The following ARHGEF3 variants were observed in gnomAD, a reference collection of about 807,000 sequenced individuals.
ARHGEF3 encodes Rho guanine nucleotide exchange factor 3.
ARHGEF3 carries 28 observed loss-of-function variants against 63.2 expected under a neutral mutation model. The ratio of observed to expected loss-of-function variants is 0.44; its 90% CI spans 0.33 to 0.61. The LOEUF is 0.61. Among genes scored for constraint, ARHGEF3 ranks in the 20% least tolerant of loss-of-function variants. ARHGEF3 has a pLI of 0.03. For missense variants in ARHGEF3, 533 were observed against 659.3 expected (o/e 0.81, Z 2.10); for synonymous variants, 266 against 254.2 (o/e 1.05, Z -0.44).
intron 3 of ARHGEF3, among the ~76,000 whole-genome samples, chr3:56,958,430 G>C (rs1346811884): frequency 6.6e-6 from 1 of 151,564 alleles, no homozygotes; most frequent in East Asian, 1.9e-4. Context: ...CTGGGCTCAA[G>C]TGATCCTCCC....
chr3:56,910,944 G>A (rs1001810561), intron 3 of ARHGEF3, among the ~76,000 whole-genome samples: 8 of 152,166 alleles, frequency 5.3e-5, no homozygotes, highest in Non-Finnish European at 1.2e-4. Context: ...AGAGAGGTAA[G>A]GAACTTGAAC....
At chr3:56,764,571 T>C (rs2035600086) in intron 2 of ARHGEF3, among the ~76,000 whole-genome samples, 1 of 152,096 alleles carries the variant, frequency 6.6e-6, no homozygotes, top group Non-Finnish European at 1.5e-5. Context: ...TTGGGTACAA[T>C]TTTAAACTTT....
chr3:56,868,758 T>C (rs2040339181), intron 4 of ARHGEF3, among the ~76,000 whole-genome samples: 1 of 152,142 alleles, frequency 6.6e-6, no homozygotes, highest in African/African-American at 2.4e-5. Context: ...ATTGATCCTT[T>C]GGAAAAAGGA....
At chr3:56,952,686 C>T (rs1181713509) in intron 3 of ARHGEF3, among the ~76,000 whole-genome samples, 1 of 151,938 alleles carries the variant, frequency 6.6e-6, no homozygotes, top group Non-Finnish European at 1.5e-5. Flanking sequence ...AAGTGAATGC[C>T]AGGGGTTAGA....
At chr3:56,991,916 A>G (rs1468902528) in intron 2 of ARHGEF3, among the ~76,000 whole-genome samples, 1 of 152,108 alleles carries the variant, frequency 6.6e-6, no homozygotes, top group Non-Finnish European at 1.5e-5. Context: ...CGCCCGGCCC[A>G]TTAACCAGTT....
intron 1 of ARHGEF3, among the ~76,000 whole-genome samples, chr3:56,780,158 C>A (rs1437607487): frequency 6.6e-6 from 1 of 152,186 alleles, no homozygotes; most frequent in Non-Finnish European, 1.5e-5. Context: ...TGCCCAAAAA[C>A]AGACAGATAA....
chr3:56,736,038 A>C (rs2107697762), intron 8 of ARHGEF3, among the ~76,000 whole-genome samples: 1 of 141,850 alleles, frequency 7.0e-6, no homozygotes, highest in Admixed American at 7.5e-5. Context: ...CTATCTCAAC[A>C]CAGAAATTTA....
chr3:57,007,429 T>C, intron 2 of ARHGEF3: 5 of 1,206,906 alleles, frequency 4.1e-6, no homozygotes, highest in Non-Finnish European at 5.4e-6. Context: ...AAAATCAGGC[T>C]TGGAAAGTGA....
At chr3:56,986,213 CTT>C (rs1419664928) in intron 2 of ARHGEF3, among the ~76,000 whole-genome samples, 1 of 152,136 alleles carries the variant, frequency 6.6e-6, no homozygotes, top group Non-Finnish European at 1.5e-5. Flanking sequence ...AGTGCAGGGT[CTT>C]TAGGGGTGGA....
At chr3:56,965,511 A>G (rs1272891914) in intron 2 of ARHGEF3, among the ~76,000 whole-genome samples, 1 of 152,136 alleles carries the variant, frequency 6.6e-6, no homozygotes, top group African/African-American at 2.4e-5. Flanking sequence ...ATCTTATACA[A>G]ACTTCTATAG....
Position 56,977,512 on chromosome 3 carries a change from C to A in ARHGEF3, c.63-18623G>T, listed in dbSNP as rs549285456. ...GATGCAGCCCTTGGAGAGACATGTC[C>A]TTTTACCTGCCCCCAACTTGCTCAA... is the stretch of plus-strand genomic sequence containing the variant. On this transcript the variant is annotated intron_variant, in intron 2 of 12. Coordinates refer to the ARHGEF3 transcript ENST00000338458. The A allele has an allele frequency of 1.2e-5, 4 of 346,348 alleles. No homozygotes were observed. In the Admixed American group the frequency reaches 1.6e-4, roughly 14 times the overall value. The allele number at this position is 346,348 out of a possible 1,614,324, so 21.5% of individuals were successfully genotyped here.
chr3:56,782,095 T>A (rs188047084), intron 1 of ARHGEF3, among the ~76,000 whole-genome samples: 2 of 152,334 alleles, frequency 1.3e-5, no homozygotes, highest in African/African-American at 4.8e-5. Flanking sequence ...TTCATCTTAT[T>A]TTTTTGGAAA....
At chr3:56,743,690 G>A (rs2034190242) in intron 7 of ARHGEF3, among the ~76,000 whole-genome samples, 1 of 152,082 alleles carries the variant, frequency 6.6e-6, no homozygotes, top group South Asian at 2.1e-4. Context: ...GGAGGAAATA[G>A]GCAGTTTGCT....
At chr3:56,772,142 C>T (rs1163436676) in intron 2 of ARHGEF3, among the ~76,000 whole-genome samples, 3 of 152,154 alleles carry the variant, frequency 2.0e-5, no homozygotes, top group Admixed American at 6.5e-5. Flanking sequence ...AGGGATCCAG[C>T]GGCCCAAGTG....
chr3:57,002,801 G>C (rs918288620), intron 2 of ARHGEF3, among the ~76,000 whole-genome samples: 2 of 144,462 alleles, frequency 1.4e-5, no homozygotes, highest in African/African-American at 5.1e-5. Flanking sequence ...TTGAGACAGA[G>C]TCTTGCTCTG....
chr3:56,996,087 AT>A (rs1701977489), intron 2 of ARHGEF3, among the ~76,000 whole-genome samples: 1 of 152,108 alleles, frequency 6.6e-6, no homozygotes, highest in African/African-American at 2.4e-5. Context: ...ATTGCCTTTA[AT>A]CCCCATCATC....
At chr3:56,966,848 T>A (rs67612514) in intron 2 of ARHGEF3, among the ~76,000 whole-genome samples, 31,489 of 142,704 alleles carry the variant, frequency 0.22, 3,588 homozygotes, top group Middle Eastern at 0.37. Context: ...TTTTTTTTTT[T>A]AATTATTATT....
At chr3:57,032,302 A>G (rs528301129) in intron 2 of ARHGEF3, among the ~76,000 whole-genome samples, 1 of 152,368 alleles carries the variant, frequency 6.6e-6, no homozygotes, top group East Asian at 1.9e-4. Context: ...TATGCTGGAC[A>G]GGGACAAAGC....
chr3:56,975,193 G>A (rs147316510), intron 2 of ARHGEF3, among the ~76,000 whole-genome samples: 4 of 152,230 alleles, frequency 2.6e-5, no homozygotes, highest in African/African-American at 4.8e-5. Context: ...CGAGGCAGGC[G>A]GATCATTTGA....
Sources: allele counts gnomAD v4.1 joint callset (sites outside exome capture counted in the v4.1 genomes callset), GRCh38; gene constraint gnomAD v4.1.1; transcripts MANE v1.5; gene names NCBI Gene and HGNC (gene_info 2026-07-23, HGNC 2026-07-21).